Variants in MYO16 observed in about 807,000 individuals in gnomAD.
The protein encoded by MYO16 is unconventional myosin-XVI.
In MYO16, 94 loss-of-function variants were observed where a neutral mutation model predicts 205.3. That is an observed-to-expected ratio of 0.46 (90% confidence interval 0.39 to 0.54). The LOEUF (loss-of-function observed/expected upper bound fraction) is 0.54, where lower values mean the gene tolerates loss of function less well. Ranked by LOEUF, MYO16 falls within the 20% of genes least tolerant of loss-of-function variation. The pLI is 0.00. For missense variants in MYO16, 2,315 were observed against 2,387.5 expected (o/e 0.97, Z 0.63); for synonymous variants, 988 against 954.0 (o/e 1.04, Z -0.66).
chr13:108,688,210 TC>T (rs796213797), intron 2 of MYO16, among the ~76,000 whole-genome samples: 4 of 152,034 alleles, frequency 2.6e-5, no homozygotes, highest in Admixed American at 6.6e-5. Flanking sequence ...GTAATTTTTT[TC>T]CCCATGTAAA....
intron 1 of MYO16, among the ~76,000 whole-genome samples, chr13:108,643,247 T>C (rs1350415781): frequency 1.3e-5 from 2 of 152,224 alleles, no homozygotes; most frequent in Non-Finnish European, 2.9e-5. Flanking sequence ...GTAAATGAAG[T>C]TGTACAATAT....
chr13:108,955,397 C>T (rs935282510), intron 16 of MYO16, among the ~76,000 whole-genome samples: 1 of 152,156 alleles, frequency 6.6e-6, no homozygotes, highest in Non-Finnish European at 1.5e-5. Context: ...GATTGTTCTT[C>T]CACCATCAGC....
chr13:108,844,768 G>A (rs564798887), intron 10 of MYO16, among the ~76,000 whole-genome samples: 1 of 152,244 alleles, frequency 6.6e-6, no homozygotes, highest in South Asian at 2.1e-4. Flanking sequence ...AATATTTCCA[G>A]TTGAGTCATT....
chr13:108,742,034 C>T (rs1479650700), intron 4 of MYO16, among the ~76,000 whole-genome samples: 2 of 152,104 alleles, frequency 1.3e-5, no homozygotes, highest in Non-Finnish European at 2.9e-5. Flanking sequence ...TACTTTGTTG[C>T]TAAGCTGGAG....
chr13:108,840,797 C>A (rs1421443976), intron 9 of MYO16, among the ~76,000 whole-genome samples: 5 of 152,148 alleles, frequency 3.3e-5, no homozygotes, highest in African/African-American at 1.2e-4. Context: ...TCAGCCTCGG[C>A]ATTTTAAAAT....
intron 21 of MYO16, among the ~76,000 whole-genome samples, chr13:108,996,142 T>C (rs2139447456): frequency 6.6e-6 from 1 of 152,338 alleles, no homozygotes; most frequent in East Asian, 1.9e-4. Flanking sequence ...TGTATGTTTA[T>C]TGCGGCACTA....
At chr13:109,004,793 A>C (rs890696783) in intron 21 of MYO16, among the ~76,000 whole-genome samples, 5 of 152,208 alleles carry the variant, frequency 3.3e-5, no homozygotes, top group Admixed American at 1.3e-4. Flanking sequence ...TGATATTTAG[A>C]TACTGAATGC....
the MYO16 span, among the ~76,000 whole-genome samples, chr13:108,520,451 A>T: frequency 1.3e-5 from 2 of 152,176 alleles, no homozygotes; most frequent in African/African-American, 4.8e-5. Flanking sequence ...ATTAGAGAAT[A>T]TTTTATCTCT....
At chr13:109,070,986 A>G (rs75074975) in intron 27 of MYO16, among the ~76,000 whole-genome samples, 9 of 152,290 alleles carry the variant, frequency 5.9e-5, no homozygotes, top group Admixed American at 2.6e-4. Context: ...TCTACTACCA[A>G]CTACATCATT....
Position 108,919,162 on chromosome 13 carries a change from A to C in MYO16, c.1925+9012A>C, listed in dbSNP as rs1296466209. Among the ~76,000 whole-genome samples the C allele has an allele frequency of 3.9e-5, 6 of 152,146 alleles. No individual in the cohort carries two copies. The East Asian group carries it at 1.2e-3, about 29-fold the overall frequency. On this transcript the variant is annotated intron_variant, in intron 16 of 34. Coordinates refer to ENST00000457511, the MANE Select transcript of MYO16 (RefSeq NM_001198950.3). ...CTTCCCAGTCATGTGTATAAAAAAGAGGTGCCACGAGCATTGTGGCTATCA... is the reference window on the plus strand; with the variant it reads ...CTTCCCAGTCATGTGTATAAAAAAGCGGTGCCACGAGCATTGTGGCTATCA...
intron 34 of MYO16, among the ~76,000 whole-genome samples, chr13:109,197,838 A>G (rs1880223554): frequency 6.6e-6 from 1 of 152,220 alleles, no homozygotes; most frequent in African/African-American, 2.4e-5. Context: ...CAAAAGCAAA[A>G]TAAAGGTAAA....
intron 27 of MYO16, among the ~76,000 whole-genome samples, chr13:109,074,665 C>T (rs1888032732): frequency 6.6e-6 from 1 of 152,140 alleles, no homozygotes. Context: ...CATGAAAACT[C>T]ACCATCAGGA....
chr13:108,871,080 T>C (rs1320366812), intron 12 of MYO16, among the ~76,000 whole-genome samples: 1 of 152,204 alleles, frequency 6.6e-6, no homozygotes, highest in African/African-American at 2.4e-5. Context: ...GGATAATTGC[T>C]TGGCCATATT....
At chr13:108,950,765 T>C (rs551375365) in intron 16 of MYO16, among the ~76,000 whole-genome samples, 3 of 145,858 alleles carry the variant, frequency 2.1e-5, no homozygotes, top group Admixed American at 6.6e-5. Context: ...AGTAGCCTTA[T>C]TCATAAGAGC....
At chr13:108,552,498 T>C in the MYO16 span, among the ~76,000 whole-genome samples, 1 of 152,188 alleles carries the variant, frequency 6.6e-6, no homozygotes, top group East Asian at 1.9e-4. Context: ...ACATCATCCA[T>C]ACTGAACATT....
chr13:108,633,977 C>T (rs774481893), intron 1 of MYO16, among the ~76,000 whole-genome samples: 3 of 152,154 alleles, frequency 2.0e-5, no homozygotes, highest in Non-Finnish European at 4.4e-5. Flanking sequence ...CCCTCACCTC[C>T]CTCTGTTCCA....
intron 23 of MYO16, among the ~76,000 whole-genome samples, chr13:109,032,022 G>C (rs2139557933): frequency 6.6e-6 from 1 of 152,158 alleles, no homozygotes; most frequent in Admixed American, 6.5e-5. Context: ...TTTCACTGTG[G>C]TTTCCTGCAC....
chr13:108,534,549 G>GT, the MYO16 span, among the ~76,000 whole-genome samples: 901 of 148,572 alleles, frequency 6.1e-3, 5 homozygotes, highest in African/African-American at 0.013. Flanking sequence ...AAAAATTGCA[G>GT]TTTTTTTTTT....
rs1166215217 is a variant in MYO16, at chr13:108,972,247, CTCTATATATATATATATATA to C, written c.2369+7347_2369+7366del. ...TCTCTCTCTCTCTCTCTCTCTCTCTCTCTATATATATATATATATATATATATATATATTTACCAGCCACA... is the reference window on the plus strand; with the variant it reads ...TCTCTCTCTCTCTCTCTCTCTCTCTCTATATATATATATTTACCAGCCACA... On this transcript the variant is annotated intron_variant, in intron 20 of 34. Transcript: ENST00000457511. Among the ~76,000 whole-genome samples the C allele has an allele frequency of 5.9e-3, 36 of 6,062 alleles. 1 individual carries two copies. The highest frequency in any genetic ancestry group is 0.011 in the Non-Finnish European group (33 of 2,984). The allele number at this position is 6,062 out of a possible 152,430, so 4.0% of individuals were successfully genotyped here.
Sources: allele counts gnomAD v4.1 joint callset (sites outside exome capture counted in the v4.1 genomes callset), GRCh38; gene constraint gnomAD v4.1.1; transcripts MANE v1.5; gene names NCBI Gene and HGNC (gene_info 2026-07-23, HGNC 2026-07-21).